The following GRIK2 variants were observed in gnomAD, a reference collection of about 807,000 sequenced individuals.
GRIK2 encodes the protein glutamate receptor ionotropic, kainate 2.
GRIK2 carries 32 observed loss-of-function variants against 100.3 expected under a neutral mutation model. The observed-to-expected ratio is 0.32, with a 90% CI of 0.24 to 0.43. GRIK2 has a LOEUF of 0.43. GRIK2 is among the 20% of genes least tolerant of loss of function. GRIK2 has a pLI of 1.00. For synonymous variants in GRIK2, 417 were observed against 389.4 expected (o/e 1.07, Z -0.83); for missense variants, 843 against 1,114.9 (o/e 0.76, Z 3.47).
chr6:102,046,244 C>A (rs1423029166), intron 15 of GRIK2, among the ~76,000 whole-genome samples: 2 of 151,938 alleles, frequency 1.3e-5, no homozygotes, highest in East Asian at 3.9e-4. Context: ...GGCACCAATA[C>A]CCCACTTTTA....
At chr6:101,655,174 A>G (rs1383906326) in intron 4 of GRIK2, among the ~76,000 whole-genome samples, 14 of 152,122 alleles carry the variant, frequency 9.2e-5, no homozygotes, top group Admixed American at 9.2e-4. Flanking sequence ...GTTTCCTCCA[A>G]CTGTCTAGGA....
At chr6:101,707,445 C>A (rs913153891) in intron 7 of GRIK2, among the ~76,000 whole-genome samples, 2 of 145,724 alleles carry the variant, frequency 1.4e-5, no homozygotes, top group Non-Finnish European at 3.0e-5. Context: ...TATACATTAT[C>A]ACAATTCTTT....
At chr6:101,798,980 G>A (rs1780494047) in intron 7 of GRIK2, among the ~76,000 whole-genome samples, 1 of 152,024 alleles carries the variant, frequency 6.6e-6, no homozygotes, top group African/African-American at 2.4e-5. Flanking sequence ...GGAAATCTTG[G>A]GGAAAGGAAA....
intron 6 of GRIK2, among the ~76,000 whole-genome samples, chr6:101,683,310 A>T (rs1246912988): frequency 2.0e-5 from 3 of 152,144 alleles, no homozygotes; most frequent in Non-Finnish European, 4.4e-5. Flanking sequence ...CTTTCAGTAG[A>T]TTACATTTTC....
At chr6:101,930,408 T>C (rs1328171481) in intron 14 of GRIK2, among the ~76,000 whole-genome samples, 1 of 152,000 alleles carries the variant, frequency 6.6e-6, no homozygotes, top group East Asian at 1.9e-4. Context: ...GCGTTGTTAG[T>C]GTCAACAACT....
At chr6:101,408,812 G>A (rs1026030252) in intron 2 of GRIK2, among the ~76,000 whole-genome samples, 4 of 151,936 alleles carry the variant, frequency 2.6e-5, no homozygotes, top group Non-Finnish European at 5.9e-5. Flanking sequence ...TTGACCAAAT[G>A]GCTGGGCACC....
At chr6:101,778,837 A>G (rs1778904106) in intron 7 of GRIK2, among the ~76,000 whole-genome samples, 1 of 152,154 alleles carries the variant, frequency 6.6e-6, no homozygotes. Context: ...TTACAAAGGA[A>G]ATGTATAATG....
chr6:101,988,123 G>A (rs1794131829), intron 14 of GRIK2, among the ~76,000 whole-genome samples: 1 of 38,734 alleles, frequency 2.6e-5, no homozygotes, highest in East Asian at 6.1e-4. Context: ...GTGTGTGTGT[G>A]TGTGTGTGTG....
At chr6:101,946,143 A>G (rs994976188) in intron 14 of GRIK2, among the ~76,000 whole-genome samples, 1 of 152,102 alleles carries the variant, frequency 6.6e-6, no homozygotes, top group South Asian at 2.1e-4. Flanking sequence ...GTGTTTTGAG[A>G]TTAGTAAAGT....
At chr6:101,870,810 G>C (rs1785365984) in intron 11 of GRIK2, among the ~76,000 whole-genome samples, 1 of 151,746 alleles carries the variant, frequency 6.6e-6, no homozygotes, top group Non-Finnish European at 1.5e-5. Context: ...AAGGCATTCT[G>C]AAACACATAA....
chr6:101,828,816 A>G (rs926922225), intron 10 of GRIK2, among the ~76,000 whole-genome samples: 5 of 151,964 alleles, frequency 3.3e-5, no homozygotes, highest in East Asian at 1.9e-4. Context: ...TGGACTCACA[A>G]CTGAATTCTA....
chr6:101,522,805 A>G (rs898119781), intron 2 of GRIK2, among the ~76,000 whole-genome samples: 6 of 151,960 alleles, frequency 3.9e-5, no homozygotes, highest in Non-Finnish European at 8.8e-5. Context: ...TCTACATTGT[A>G]AGCTCCATGG....
intron 14 of GRIK2, among the ~76,000 whole-genome samples, chr6:101,982,578 A>G (rs1793777224): frequency 6.6e-6 from 1 of 151,786 alleles, no homozygotes; most frequent in Non-Finnish European, 1.5e-5. Context: ...AGGAATAAGA[A>G]GAGAAAAATT....
At chr6:101,714,037 T>C (rs1197103332) in intron 7 of GRIK2, among the ~76,000 whole-genome samples, 1 of 151,722 alleles carries the variant, frequency 6.6e-6, no homozygotes, top group East Asian at 1.9e-4. Flanking sequence ...TTTAGTAAAA[T>C]AAAGATCCAC....
chr6:101,944,670 AAATTG>A (rs1473801631), intron 14 of GRIK2, among the ~76,000 whole-genome samples: 1 of 152,174 alleles, frequency 6.6e-6, no homozygotes, highest in Non-Finnish European at 1.5e-5. Flanking sequence ...AAAGCAAACT[AAATTG>A]AATTTCAAAA....
intron 12 of GRIK2, among the ~76,000 whole-genome samples, chr6:101,910,514 C>G (rs1582515036): frequency 1.3e-5 from 2 of 151,206 alleles, no homozygotes; most frequent in Non-Finnish European, 3.0e-5. Context: ...CAGTTCAAAT[C>G]AAGTGTTAGC....
At chr6:101,456,935 G>T (rs1771041885) in intron 2 of GRIK2, among the ~76,000 whole-genome samples, 2 of 152,066 alleles carry the variant, frequency 1.3e-5, no homozygotes, top group African/African-American at 4.8e-5. Context: ...ATTATTTCTG[G>T]ATTCTTTGGG....
chr6:101,424,727 C>A (rs1470829477), intron 2 of GRIK2, among the ~76,000 whole-genome samples: 1 of 151,730 alleles, frequency 6.6e-6, no homozygotes, highest in Non-Finnish European at 1.5e-5. Context: ...CTCCCCCCAC[C>A]CACAACAGTC....
At chr6:101,823,876 G>GTTTTTTTTTTTTTT (rs796241778) in intron 10 of GRIK2, among the ~76,000 whole-genome samples, 1 of 116,920 alleles carries the variant, frequency 8.6e-6, no homozygotes, top group Non-Finnish European at 1.8e-5. Context: ...TTTTTTTTTT[G>GTTTTTTTTTTTTTT]TTTTTTTTTT....
Sources: allele counts gnomAD v4.1 joint callset (sites outside exome capture counted in the v4.1 genomes callset), GRCh38; gene constraint gnomAD v4.1.1; transcripts MANE v1.5; gene names NCBI Gene and HGNC (gene_info 2026-07-23, HGNC 2026-07-21).